The following AMOTL1 variants were observed in gnomAD, a reference collection of about 807,000 sequenced individuals.
The protein encoded by AMOTL1 is angiomotin-like protein 1.
Under a neutral mutation model 102.9 loss-of-function variants are expected in AMOTL1, and 45 were observed. The ratio of observed to expected loss-of-function variants is 0.44; its 90% CI spans 0.34 to 0.56. The LOEUF is 0.56. Ranked by LOEUF, AMOTL1 falls within the 20% of genes least tolerant of loss-of-function variation. AMOTL1 has a pLI of 0.01. For synonymous variants in AMOTL1, 481 were observed against 484.7 expected (o/e 0.99, Z 0.10); for missense variants, 1,114 against 1,225.6 (o/e 0.91, Z 1.36).
Position 94,872,903 on chromosome 11 carries a change from C to T in AMOTL1, c.*2108C>T, listed in dbSNP as rs1204484734. The T allele has an allele frequency of 6.6e-6, 1 of 152,156 alleles. No individual in the cohort carries two copies. The highest frequency in any genetic ancestry group is 6.5e-5 in the Admixed American group (1 of 15,278). 9.4% of individuals were successfully genotyped at this position (152,156 alleles called of 1,614,324 possible). ...CCTAATCTCTGTTCCCACCACATTTCATAGGAGATGAGTTAGGAGATGACA... is the reference window on the plus strand; with the variant it reads ...CCTAATCTCTGTTCCCACCACATTTTATAGGAGATGAGTTAGGAGATGACA... On this transcript the variant is annotated 3_prime_UTR_variant, in exon 13 of 13. Coordinates refer to ENST00000433060, the MANE Select transcript of AMOTL1 (RefSeq NM_130847.3).
intron 3 of AMOTL1, among the ~76,000 whole-genome samples, chr11:94,753,727 C>T (rs932284389): frequency 6.6e-6 from 1 of 152,194 alleles, no homozygotes; most frequent in African/African-American, 2.4e-5. Context: ...GAGCAAGTCA[C>T]TAGAACCCAA....
chr11:94,799,358 C>T lies in AMOTL1; in HGVS notation c.200-32C>T. 5.3e-6 allele frequency: 8 copies of T among 1,506,530 alleles called. No homozygotes were observed. The highest frequency in any genetic ancestry group is 5.1e-5 in the South Asian group (4 of 78,200). The allele number at this position is 1,506,530 out of a possible 1,614,324, so 93.3% of individuals were successfully genotyped here. On this transcript the variant is annotated intron_variant, in intron 2 of 12. Coordinates refer to ENST00000433060, the MANE Select transcript of AMOTL1 (RefSeq NM_130847.3). The surrounding 1 kb of genome is among the most constrained non-coding windows in gnomAD (Gnocchi z 4.5). ...AGACATATATCTCCTGTGGAGCTGC[C>T]TGATATCTTTTTTCCTATGTTTATC... is the stretch of plus-strand genomic sequence containing the variant.
intron 4 of AMOTL1, among the ~76,000 whole-genome samples, chr11:94,825,131 A>G (rs536714537): frequency 6.6e-6 from 1 of 152,270 alleles, no homozygotes; most frequent in South Asian, 2.1e-4. Context: ...CTGAAACTTA[A>G]TTAATGATGG....
chr11:94,787,653 A>T (rs1165994467), intron 1 of AMOTL1, among the ~76,000 whole-genome samples: 6 of 131,226 alleles, frequency 4.6e-5, no homozygotes, highest in African/African-American at 1.7e-4. Context: ...GCGCCACTGC[A>T]CTCCAGCCTG....
intron 1 of AMOTL1, among the ~76,000 whole-genome samples, chr11:94,719,962 A>G (rs12275157): frequency 6.6e-6 from 1 of 152,230 alleles, no homozygotes; most frequent in Non-Finnish European, 1.5e-5. Context: ...GGCCTGGGAC[A>G]TCAGCATATT....
rs1953084572 is a variant in AMOTL1 at position 94,875,777 on chromosome 11, G to A, written c.*4982G>A. On this transcript the variant is annotated 3_prime_UTR_variant, in exon 13 of 13. Transcript: ENST00000433060. ...CTTGGAATGAGTCTTTGGCCTCAGA[G>A]CCTCTCAAAGTGTCCACTTCAAGGG... 6.6e-6 allele frequency: 1 copy of A among 152,188 alleles called. No homozygotes were observed. The highest frequency in any genetic ancestry group is 1.5e-5 in the Non-Finnish European group (1 of 68,030). The allele number at this position is 152,188 out of a possible 1,614,324, so 9.4% of individuals were successfully genotyped here.
At chr11:94,770,343 A>G (rs1315293186) in intron 1 of AMOTL1, among the ~76,000 whole-genome samples, 1 of 152,182 alleles carries the variant, frequency 6.6e-6, no homozygotes, top group African/African-American at 2.4e-5. Context: ...AAAGGGTGGA[A>G]AAGCACTGAT....
At chr11:94,832,333 C>G (rs1464636037) in intron 6 of AMOTL1, among the ~76,000 whole-genome samples, 3 of 152,208 alleles carry the variant, frequency 2.0e-5, no homozygotes, top group African/African-American at 2.4e-5. Context: ...TATTCAGGCA[C>G]TAGCCATCTG....
intron 1 of AMOTL1, among the ~76,000 whole-genome samples, chr11:94,790,188 T>G (rs189191203): frequency 4.6e-5 from 7 of 152,364 alleles, no homozygotes; most frequent in African/African-American, 1.7e-4. Context: ...TACCGCCATG[T>G]TCTTGCCATC....
intron 1 of AMOTL1, among the ~76,000 whole-genome samples, chr11:94,791,028 G>A (rs1951276526): frequency 6.6e-6 from 1 of 152,132 alleles, no homozygotes; most frequent in African/African-American, 2.4e-5. Context: ...GTCTTGCTCA[G>A]AGTCACATTA....
intron 3 of AMOTL1, among the ~76,000 whole-genome samples, chr11:94,748,185 C>A (rs184406850): frequency 2.0e-5 from 3 of 152,300 alleles, no homozygotes; most frequent in Admixed American, 1.3e-4. Flanking sequence ...AAGTTTATTT[C>A]TTTTTAACTT....
At chr11:94,771,264 G>T (rs964149054) in intron 1 of AMOTL1, among the ~76,000 whole-genome samples, 18 of 145,050 alleles carry the variant, frequency 1.2e-4, no homozygotes, top group African/African-American at 4.2e-4. Context: ...GGGGTTGGGG[G>T]GGGGGTGCGG....
chr11:94,849,168 T>A (rs1952480594), intron 6 of AMOTL1, among the ~76,000 whole-genome samples: 1 of 152,198 alleles, frequency 6.6e-6, no homozygotes, highest in Non-Finnish European at 1.5e-5. Context: ...AGGAGACTTT[T>A]TTTCATGTCA....
At chr11:94,709,939 A>T (rs1480818353) in intron 1 of AMOTL1, among the ~76,000 whole-genome samples, 1 of 152,206 alleles carries the variant, frequency 6.6e-6, no homozygotes, top group African/African-American at 2.4e-5. Flanking sequence ...TCCTGGCCTT[A>T]TACCACTAAC....
At chr11:94,817,966 A>C (rs1359262822) in intron 3 of AMOTL1, among the ~76,000 whole-genome samples, 1 of 152,184 alleles carries the variant, frequency 6.6e-6, no homozygotes, top group African/African-American at 2.4e-5. Context: ...AGCTTTTAAT[A>C]ATTGGGGCAG....
chr11:94,833,549 G>A (rs771114671), intron 6 of AMOTL1, among the ~76,000 whole-genome samples: 5 of 152,132 alleles, frequency 3.3e-5, no homozygotes, highest in African/African-American at 1.2e-4. Context: ...TTTCTGTCCT[G>A]CTTAGAAATA....
At chr11:94,834,398 T>C (rs1336923910) in intron 6 of AMOTL1, among the ~76,000 whole-genome samples, 3 of 152,072 alleles carry the variant, frequency 2.0e-5, no homozygotes, top group South Asian at 2.1e-4. Flanking sequence ...CCATCCTGAA[T>C]AACCCGGTGA....
intron 3 of AMOTL1, among the ~76,000 whole-genome samples, chr11:94,819,594 C>A (rs1416547835): frequency 1.3e-5 from 2 of 152,166 alleles, no homozygotes; most frequent in African/African-American, 2.4e-5. Context: ...AGCCCCTTCC[C>A]CCACTTGGAG....
chr11:94,829,219 T>TC (rs142427854), intron 4 of AMOTL1, among the ~76,000 whole-genome samples: 3,935 of 150,894 alleles, frequency 0.026, 188 homozygotes, highest in African/African-American at 0.09. Context: ...TGTCCATTAA[T>TC]CCTTTTTTTT....
Sources: allele counts gnomAD v4.1 joint callset (sites outside exome capture counted in the v4.1 genomes callset), GRCh38; gene constraint gnomAD v4.1.1; non-coding constraint Gnocchi (gnomAD v3.1); transcripts MANE v1.5; gene names NCBI Gene and HGNC (gene_info 2026-07-23, HGNC 2026-07-21).